Variants in UNC5C observed in about 807,000 individuals in gnomAD.
UNC5C encodes the protein unc-5 netrin receptor C.
UNC5C carries 47 observed loss-of-function variants against 99.8 expected under a neutral mutation model. That is an observed-to-expected ratio of 0.47 (90% CI 0.37 to 0.60). The LOEUF is 0.60. Ranked by LOEUF, UNC5C falls within the 20% of genes least tolerant of loss-of-function variation. The pLI is 0.00. For synonymous variants in UNC5C, 487 were observed against 452.2 expected (o/e 1.08, Z -0.98); for missense variants, 1,062 against 1,165.9 (o/e 0.91, Z 1.30).
At chr4:95,543,947 A>G (rs1272582742) in intron 1 of UNC5C, among the ~76,000 whole-genome samples, 1 of 152,214 alleles carries the variant, frequency 6.6e-6, no homozygotes, top group African/African-American at 2.4e-5. Flanking sequence ...ATCTCTTCAG[A>G]TAGCTCCATT....
chr4:95,206,003 C>CTTT (rs70946599), intron 11 of UNC5C, among the ~76,000 whole-genome samples: 1 of 142,974 alleles, frequency 7.0e-6, no homozygotes, highest in Non-Finnish European at 1.5e-5. Flanking sequence ...TATACATATA[C>CTTT]TTTTTTTTTT....
rs370003428 is a variant in UNC5C, at chr4:95,206,705, T to C, written c.1825A>G (p.Met609Val). Residue 609 changes from methionine (M) to valine (V), a missense_variant, in exon 11 of 16, where the codon ATG (methionine) becomes GTG (valine). Physicochemically the swap from Met to Val is conservative, Grantham distance 21 (BLOSUM62 1). Coordinates refer to ENST00000453304, the MANE Select transcript of UNC5C (RefSeq NM_003728.4). The stretch of plus-strand genomic sequence containing the variant: ...GTATTGGGGTCTGCGCAGTGATGCA[T>C]AGTGAGGACGACTGGGCGGGTGAGC... ...ALLTRPVVLT[M>V]HHCADPNTED... is the part of the protein sequence containing the mutation. 16 of 1,614,038 alleles carry C rather than the reference T, an allele frequency of 9.9e-6. No homozygotes were observed. Among genetic ancestry groups the C allele is most frequent in the Non-Finnish European group, 1.4e-5 (16 of 1,180,006 alleles).
At chr4:95,385,198 C>T (rs1363467602) in intron 1 of UNC5C, among the ~76,000 whole-genome samples, 1 of 152,134 alleles carries the variant, frequency 6.6e-6, no homozygotes, top group Non-Finnish European at 1.5e-5. Flanking sequence ...ATAAAGACTT[C>T]ATTTTATTTC....
At chr4:95,484,379 T>C (rs755196553) in intron 1 of UNC5C, among the ~76,000 whole-genome samples, 4 of 151,774 alleles carry the variant, frequency 2.6e-5, no homozygotes, top group Non-Finnish European at 5.9e-5. Context: ...GTGAGAGATA[T>C]TATGAATGCC....
chr4:95,454,120 A>G (rs1267615548), intron 1 of UNC5C, among the ~76,000 whole-genome samples: 5 of 152,028 alleles, frequency 3.3e-5, no homozygotes, highest in Non-Finnish European at 5.9e-5. Context: ...CAAAAAAACC[A>G]CTCAATTTCA....
intron 10 of UNC5C, among the ~76,000 whole-genome samples, chr4:95,212,230 TAAAA>T (rs954874462): frequency 4.0e-5 from 6 of 149,160 alleles, no homozygotes; most frequent in Admixed American, 1.3e-4. Context: ...TTCCACCAAT[TAAAA>T]AAAAAAGTTC....
Position 95,355,293 on chromosome 4 carries a change from C to T in UNC5C, c.125-19662G>A, listed in dbSNP as rs375032490. ...TAGAGATGACCACAAGATAAGATATCCACATATAAAAATATTCTACTTGCC... is the reference window on the plus strand; with the variant it reads ...TAGAGATGACCACAAGATAAGATATTCACATATAAAAATATTCTACTTGCC... On this transcript the variant is annotated intron_variant, in intron 1 of 15. Coordinates refer to ENST00000453304, the MANE Select transcript of UNC5C (RefSeq NM_003728.4). Among the ~76,000 whole-genome samples the T allele has an allele frequency of 1.6e-4, 24 of 152,214 alleles. No individual in the cohort carries two copies. The South Asian group carries it at 4.4e-3, about 28-fold the overall frequency.
At chr4:95,333,576 TG>T (rs1743209174) in intron 2 of UNC5C, among the ~76,000 whole-genome samples, 2 of 79,554 alleles carry the variant, frequency 2.5e-5, no homozygotes, top group Admixed American at 1.6e-4. Flanking sequence ...TATTGTGGGG[TG>T]GGGGGAGGGG....
At chr4:95,385,263 G>C (rs188337674) in intron 1 of UNC5C, among the ~76,000 whole-genome samples, 2 of 152,206 alleles carry the variant, frequency 1.3e-5, no homozygotes, top group Admixed American at 1.3e-4. Flanking sequence ...CTATTGTGTC[G>C]ATGTGCGGAA....
intron 1 of UNC5C, among the ~76,000 whole-genome samples, chr4:95,487,061 C>T (rs1183223461): frequency 6.6e-6 from 1 of 151,726 alleles, no homozygotes; most frequent in Admixed American, 6.6e-5. Context: ...TCATCAGATG[C>T]TGGCCCCTGG....
Position 95,216,225 on chromosome 4 carries a change from G to T in UNC5C, c.1646-14C>A. 1 of 1,605,492 alleles carries T rather than the reference G, an allele frequency of 6.2e-7. No individual in the cohort carries two copies. The highest frequency in any genetic ancestry group is 1.1e-5 in the South Asian group (1 of 90,378). The stretch of plus-strand genomic sequence containing the variant: ...GCAAGCTGACTCCTGAATAGCAAAA[G>T]AGAAAAGCAGTCATTTAAGACTTTT... On this transcript the variant is annotated splice_polypyrimidine_tract_variant and intron_variant, in intron 9 of 15. Coordinates refer to ENST00000453304, the MANE Select transcript of UNC5C (RefSeq NM_003728.4).
chr4:95,504,271 G>A (rs147900261), intron 1 of UNC5C, among the ~76,000 whole-genome samples: 21 of 152,064 alleles, frequency 1.4e-4, no homozygotes, highest in African/African-American at 4.6e-4. Context: ...CTTACTTACT[G>A]CAAACAGCAC....
chr4:95,478,362 T>C (rs1721021177), intron 1 of UNC5C, among the ~76,000 whole-genome samples: 1 of 152,018 alleles, frequency 6.6e-6, no homozygotes, highest in South Asian at 2.1e-4. Context: ...AGCTGCCACT[T>C]TCTCCAAGAC....
rs561337364 is a variant in UNC5C at position 95,513,273 on chromosome 4, C to G, written c.124+35461G>C. Among the ~76,000 whole-genome samples, 82 of 152,292 alleles carry G rather than the reference C, an allele frequency of 5.4e-4. 1 individual carries two copies. The highest frequency in any genetic ancestry group is 1.8e-4 in the Non-Finnish European group (12 of 68,026). On this transcript the variant is annotated intron_variant, in intron 1 of 15. Transcript: ENST00000453304. ...ATTTTTCTTTGTAATCTATTTACATCTTGCAATGGGAGCATTAGTCAGATT... is the reference window on the plus strand; with the variant it reads ...ATTTTTCTTTGTAATCTATTTACATGTTGCAATGGGAGCATTAGTCAGATT...
intron 3 of UNC5C, among the ~76,000 whole-genome samples, chr4:95,297,481 G>A (rs1479322178): frequency 6.6e-6 from 1 of 152,210 alleles, no homozygotes; most frequent in East Asian, 1.9e-4. Context: ...ATTGTGCTAA[G>A]CAGGAGAGAT....
chr4:95,402,521 A>G (rs531809694), intron 1 of UNC5C, among the ~76,000 whole-genome samples: 1 of 152,378 alleles, frequency 6.6e-6, no homozygotes. Flanking sequence ...CTGATCACAC[A>G]GATAAATAGG....
Position 95,163,991 on chromosome 4 carries a change from A to G in UNC5C, c.*5243T>C, listed in dbSNP as rs142043452. ...GCTAAATAGGTCTGAGGCACACATT[A>G]CATTTGGTTGAATGAGCCCGTTAAT... On this transcript the variant is annotated 3_prime_UTR_variant, in exon 16 of 16. Transcript: ENST00000453304. 5.0e-4 allele frequency: 76 copies of G among 152,358 alleles called. No homozygotes were observed. Among genetic ancestry groups the G allele is most frequent in the African/African-American group, 1.8e-3 (76 of 41,576 alleles). 9.4% of individuals were successfully genotyped at this position (152,358 alleles called of 1,614,324 possible).
intron 1 of UNC5C, among the ~76,000 whole-genome samples, chr4:95,364,859 A>T (rs1744505987): frequency 6.6e-6 from 1 of 152,152 alleles, no homozygotes; most frequent in South Asian, 2.1e-4. Context: ...TTTCTCAAGG[A>T]TTTATCTTAT....
intron 1 of UNC5C, among the ~76,000 whole-genome samples, chr4:95,418,726 A>T (rs537341536): frequency 6.6e-6 from 1 of 152,354 alleles, no homozygotes; most frequent in South Asian, 2.1e-4. Flanking sequence ...CATTACATAG[A>T]ACATGTGAAG....
Sources: gnomAD v4.1 joint callset for allele counts (sites outside exome capture counted in the v4.1 genomes callset) on GRCh38, gnomAD v4.1.1 for gene constraint, MANE v1.5 for transcripts, NCBI Gene and HGNC (gene_info 2026-07-23, HGNC 2026-07-21) for gene names.